Variants in MYO9B observed in about 807,000 individuals in gnomAD.
MYO9B encodes myosin IXB, also known as unconventional myosin-IXb.
Under a neutral mutation model 229.5 loss-of-function variants are expected in MYO9B, and 71 were observed. That is an observed-to-expected ratio of 0.31 (90% CI 0.26 to 0.38). MYO9B has a LOEUF of 0.38. Among genes scored for constraint, MYO9B ranks in the 10% least tolerant of loss-of-function variants. The pLI, the probability that MYO9B is intolerant of heterozygous loss-of-function variation, is 1.00. For missense variants in MYO9B, 2,255 were observed against 2,920.5 expected (o/e 0.77, Z 5.25); for synonymous variants, 1,185 against 1,235.8 (o/e 0.96, Z 0.86).
At chr19:17,092,710 G>A (rs2057649385) in intron 1 of MYO9B, among the ~76,000 whole-genome samples, 1 of 139,716 alleles carries the variant, frequency 7.2e-6, no homozygotes, top group Non-Finnish European at 1.5e-5. Context: ...GGGTGACAGA[G>A]CAAGGCTCCG....
intron 1 of MYO9B, among the ~76,000 whole-genome samples, chr19:17,093,589 C>A (rs1371413290): frequency 6.6e-6 from 1 of 151,372 alleles, no homozygotes; most frequent in Non-Finnish European, 1.5e-5. Context: ...GGCTCAAGGG[C>A]TGAACTTTTG....
chr19:17,206,097 C>T lies in MYO9B; in HGVS notation c.5202C>T (p.Tyr1734=), dbSNP rs756536803. ...ACGGCCTGTACACCGAGGGCCTCTA[C>T]CGCAAGTCGGGTGCTGCCAACCGCA... ...EMHGLYTEGL[Y]RKSGAANRTR... Residue 1734 remains tyrosine (Y), a synonymous_variant, in exon 32 of 40, where the codon TAC becomes TAT. Transcript: ENST00000682292. 4.4e-6 allele frequency: 7 copies of T among 1,607,436 alleles called. No homozygotes were observed. Among genetic ancestry groups the T allele is most frequent in the Non-Finnish European group, 4.3e-6 (5 of 1,175,480 alleles).
intron 15 of MYO9B, among the ~76,000 whole-genome samples, chr19:17,182,470 C>T (rs1316554221): frequency 1.3e-5 from 2 of 151,956 alleles, no homozygotes; most frequent in Non-Finnish European, 2.9e-5. Flanking sequence ...GTGGCTCAAT[C>T]TTGGCTCACT....
At chr19:17,205,175 T>A in intron 30 of MYO9B, 88 bp from the exon 31 acceptor site, 3 of 930,626 alleles carry the variant, frequency 3.2e-6, no homozygotes, top group South Asian at 1.5e-5. Flanking sequence ...AAGAAGGCAA[T>A]TGGCGGCCCC....
chr19:17,120,516 C>G (rs1229930953), intron 2 of MYO9B, among the ~76,000 whole-genome samples: 1 of 150,174 alleles, frequency 6.7e-6, no homozygotes, highest in African/African-American at 2.5e-5. Flanking sequence ...GTGCCTGTAA[C>G]CCCAGCTACT....
rs557811350 is a variant in MYO9B at position 17,168,038 on chromosome 19, C to T, written c.1767C>T (p.Leu589=). 1.2e-6 allele frequency: 2 copies of T among 1,612,792 alleles called. No homozygotes were observed. Among genetic ancestry groups the T allele is most frequent in the South Asian group, 2.2e-5 (2 of 90,688 alleles). ...TCATCAGCAAGAAACCCACGGGCCT[C>T]TTCTACCTGCTGGACGAGGAGAGCA... ...IHLISKKPTG[L]FYLLDEESNF... Residue 589 remains leucine (L), a synonymous_variant, in exon 11 of 40, where the codon CTC becomes CTT. Coordinates refer to ENST00000682292, the MANE Select transcript of MYO9B (RefSeq NM_004145.4).
intron 2 of MYO9B, among the ~76,000 whole-genome samples, chr19:17,110,557 G>T (rs1396639069): frequency 6.6e-6 from 1 of 152,218 alleles, no homozygotes. Flanking sequence ...GCCAAAGGCT[G>T]GGGTTCCCTT....
At chr19:17,134,215 CCCTT>C (rs2072238347) in intron 2 of MYO9B, among the ~76,000 whole-genome samples, 1 of 151,958 alleles carries the variant, frequency 6.6e-6, no homozygotes, top group African/African-American at 2.4e-5. Flanking sequence ...AACCCTCACT[CCCTT>C]CCTCCCCTTT....
chr19:17,173,313 T>TTTTTA lies in MYO9B; in HGVS notation c.2140+350_2140+351insTTTTA, dbSNP rs547342934. Among the ~76,000 whole-genome samples the TTTTTA allele has an allele frequency of 7.9e-5, 10 of 125,878 alleles. 1 individual carries two copies. Among genetic ancestry groups the TTTTTA allele is most frequent in the Non-Finnish European group, 1.1e-4 (7 of 62,322 alleles). The allele number at this position is 125,878 out of a possible 152,430, so 82.6% of individuals were successfully genotyped here. A position where few individuals can be genotyped will look rare whatever the true frequency, so the allele number is the denominator to read the frequency against. On this transcript the variant is annotated intron_variant, in intron 13 of 39. Coordinates refer to ENST00000682292, the MANE Select transcript of MYO9B (RefSeq NM_004145.4). ...TGCTCTTTTTTTTTTTTTTTTTTTT[T>TTTTTA]AGAGACAGGGTCTCTCTCTCTCTCT...
chr19:17,183,552 C>T (rs10419381), intron 15 of MYO9B, among the ~76,000 whole-genome samples: 10,493 of 152,278 alleles, frequency 0.069, 675 homozygotes, highest in African/African-American at 0.17. Flanking sequence ...ATCCGAATGG[C>T]CCCCAGACTA....
At chr19:17,198,062 C>CAA (rs376329870) in intron 23 of MYO9B, 122 bp from the exon 24 acceptor site, 211 of 1,178,348 alleles carry the variant, frequency 1.8e-4, no homozygotes, top group Middle Eastern at 2.3e-4. Context: ...GACTCCGTTT[C>CAA]AAAAAAAAAA....
Position 17,210,704 on chromosome 19 carries a change from CTTT to C in MYO9B, c.5797-10_5797-8del. Reference sequence around the variant, plus strand: ...GAGATGTCAGTGGGACCCCTTGCTTCTTTGTTTCAGAACAAGAGCCCCAAGACC... The same window carrying C: ...GAGATGTCAGTGGGACCCCTTGCTTCGTTTCAGAACAAGAGCCCCAAGACC... On this transcript the variant is annotated splice_polypyrimidine_tract_variant and splice_region_variant and intron_variant, in intron 37 of 39. Coordinates refer to ENST00000682292, the MANE Select transcript of MYO9B (RefSeq NM_004145.4). 1 of 1,531,356 alleles carries C rather than the reference CTTT, an allele frequency of 6.5e-7. No homozygotes were observed. 94.9% of individuals were successfully genotyped at this position (1,531,356 alleles called of 1,614,324 possible).
At chr19:17,147,637 C>A (rs2072427502) in intron 3 of MYO9B, among the ~76,000 whole-genome samples, 1 of 143,670 alleles carries the variant, frequency 7.0e-6, no homozygotes, top group African/African-American at 2.6e-5. Flanking sequence ...CCAGAAATTA[C>A]AAGTGTGAGC....
intron 35 of MYO9B, among the ~76,000 whole-genome samples, chr19:17,208,473 C>G (rs1370599231): frequency 3.3e-5 from 5 of 150,938 alleles, no homozygotes; most frequent in Non-Finnish European, 7.4e-5. Context: ...ACTCTGTCTC[C>G]CAGGCTGGAG....
At chr19:17,170,450 G>A (rs1236606698) in intron 11 of MYO9B, among the ~76,000 whole-genome samples, 1 of 151,894 alleles carries the variant, frequency 6.6e-6, no homozygotes, top group Non-Finnish European at 1.5e-5. Context: ...CTCAAACCTA[G>A]TCCCTGTCCA....
chr19:17,085,564 C>T (rs1019753892), intron 1 of MYO9B, among the ~76,000 whole-genome samples: 1 of 152,016 alleles, frequency 6.6e-6, no homozygotes, highest in Non-Finnish European at 1.5e-5. Flanking sequence ...TGGCTCATGC[C>T]TGTAATTCCA....
chr19:17,098,117 T>C (rs1294995945), intron 1 of MYO9B, among the ~76,000 whole-genome samples: 1 of 149,072 alleles, frequency 6.7e-6, no homozygotes, highest in East Asian at 2.1e-4. Context: ...TGCAGTGGCA[T>C]GATTGCGGCT....
At chr19:17,185,299 G>A (rs1434737273) in intron 17 of MYO9B, among the ~76,000 whole-genome samples, 5 of 151,474 alleles carry the variant, frequency 3.3e-5, no homozygotes, top group South Asian at 4.2e-4. Flanking sequence ...GCATGAACCC[G>A]GGAGGCGGAG....
chr19:17,167,010 G>A (rs770707336), intron 10 of MYO9B, among the ~76,000 whole-genome samples: 1 of 150,852 alleles, frequency 6.6e-6, no homozygotes, highest in Non-Finnish European at 1.5e-5. Context: ...TGTTCCTACA[G>A]TGTGGGGATC....
Sources: gnomAD v4.1 joint callset for allele counts (sites outside exome capture counted in the v4.1 genomes callset) on GRCh38, gnomAD v4.1.1 for gene constraint, MANE v1.5 for transcripts, NCBI Gene and HGNC (gene_info 2026-07-23, HGNC 2026-07-21) for gene names.